The following TRPM5 variants were observed in gnomAD, a reference collection of about 807,000 sequenced individuals.
TRPM5 encodes the protein transient receptor potential cation channel subfamily M member 5, also known as MLSN1 and TRP-related.
A neutral mutation model predicts 124.9 loss-of-function variants in TRPM5; 121 were observed. That is an observed-to-expected ratio of 0.97 (90% CI 0.84 to 1.13). The LOEUF is 1.13. Among genes scored for constraint, TRPM5 ranks in the 50% most tolerant of loss-of-function variants. The pLI, the probability that TRPM5 is intolerant of heterozygous loss-of-function variation, is 0.00. For missense variants in TRPM5, 1,643 were observed against 1,589.1 expected, an observed-to-expected ratio of 1.03 and a Z score of -0.58; for synonymous variants, 781 against 700.5, an observed-to-expected ratio of 1.11 and a Z score of -1.81.
chr11:2,407,004 C>A, intron 20 of TRPM5, 115 bp downstream of exon 25: 1 of 1,367,570 alleles, frequency 7.3e-7, no homozygotes, highest in Non-Finnish European at 9.6e-7. Context: ...AGCTGAGGAC[C>A]CACAGGGCTG....
exon 3 of TRPM5, chr11:2,421,060 A>G: frequency 2.6e-6 from 4 of 1,548,344 alleles, no homozygotes; most frequent in Non-Finnish European, 2.6e-6. Context: ...GCGGCGGTGC[A>G]GGACGCGGCC....
chr11:2,419,717 A>C lies in TRPM5; in HGVS notation c.649+505T>G, dbSNP rs150956519. ...TGTATATTGTTCATAGATGTTATAA[A>C]TAATTATATGCTTTGTTTATGAATA... On this transcript the variant is annotated intron_variant, in intron 4 of 23. Transcript: ENST00000155858. 6.6e-4 allele frequency among the ~76,000 whole-genome samples: 100 copies of C among 152,278 alleles called. 1 individual carries two copies. The highest frequency in any genetic ancestry group is 1.9e-3 in the African/African-American group (81 of 41,548).
At chr11:2,415,536 G>T (rs1845653181) in intron 8 of TRPM5, 65 bp from the exon 14 acceptor site, 1 of 1,145,416 alleles carries the variant, frequency 8.7e-7, no homozygotes, top group Non-Finnish European at 1.2e-6. Context: ...GGAGGAGGGG[G>T]TCCAAGGAAG....
chr11:2,429,553 GATA>G, the TRPM5 span, among the ~76,000 whole-genome samples: 4 of 151,774 alleles, frequency 2.6e-5, no homozygotes, highest in African/African-American at 4.8e-5. The surrounding 1 kb of genome is among the most constrained non-coding windows in gnomAD (Gnocchi z 8.4). Flanking sequence ...TGGTGGGGGT[GATA>G]ATGATCCTGG....
chr11:2,420,100 G>T, intron 4 of TRPM5, 122 bp downstream of exon 9: 5 of 1,143,576 alleles, frequency 4.4e-6, no homozygotes, highest in Admixed American at 2.4e-5. Context: ...GGCATGCGGG[G>T]TGCGTTCTGC....
downstream of TRPM5, among the ~76,000 whole-genome samples, chr11:2,404,086 A>G (rs923705848): frequency 7.9e-5 from 12 of 152,298 alleles, no homozygotes; most frequent in African/African-American, 2.6e-4. Flanking sequence ...AGTGCCCTCA[A>G]TGGGCCTGAG....
At chr11:2,434,023 C>T in the TRPM5 span, among the ~76,000 whole-genome samples, 4 of 150,758 alleles carry the variant, frequency 2.7e-5, no homozygotes, top group East Asian at 7.8e-4. Flanking sequence ...TATGTAGACA[C>T]TGTGTGTGGC....
chr11:2,431,437 C>G, the TRPM5 span, among the ~76,000 whole-genome samples: 1 of 152,098 alleles, frequency 6.6e-6, no homozygotes, highest in African/African-American at 2.4e-5. Context: ...AGGAGGTTCC[C>G]CCAGATCCTC....
At chr11:2,418,185 G>A (rs773191936) in exon 6 of TRPM5, 32 of 1,577,218 alleles carry the variant, frequency 2.0e-5, no homozygotes, top group Middle Eastern at 3.3e-4. Flanking sequence ...TCCAGCGCAC[G>A]ATGTCCTCCC....
At chr11:2,423,649 A>G (rs1386271999), upstream of TRPM5, among the ~76,000 whole-genome samples, 3 of 152,172 alleles carry the variant, frequency 2.0e-5, no homozygotes, top group Admixed American at 6.5e-5. Flanking sequence ...CCCACACAGC[A>G]TCAGCAGCAG....
chr11:2,429,076 G>C, the TRPM5 span, among the ~76,000 whole-genome samples: 3 of 151,372 alleles, frequency 2.0e-5, no homozygotes, highest in Non-Finnish European at 4.4e-5. The surrounding 1 kb of genome is among the most constrained non-coding windows in gnomAD (Gnocchi z 8.4). Flanking sequence ...GGTTGTGGTG[G>C]TGGTGATGAT....
rs778174876 is a variant in TRPM5 at position 2,420,321 on chromosome 11, T to A, written c.550A>T (p.Ile184Phe). 4 of 1,612,546 alleles carry A rather than the reference T, an allele frequency of 2.5e-6. No homozygotes were observed. In the South Asian group the frequency reaches 4.4e-5, roughly 18 times the overall value. Reference sequence around the variant, plus strand: ...CCCGGGGGGCCTGGCTCCACCAGGATGAAGTGGGAGAGGTTGCTGTCCAGT... The same window carrying A: ...CCCGGGGGGCCTGGCTCCACCAGGAAGAAGTGGGAGAGGTTGCTGTCCAGT... Residue 184 changes from isoleucine to phenylalanine, a missense_variant, in exon 4 of 24, where the codon ATC becomes TTC. Transcript: ENST00000155858.
downstream of TRPM5, among the ~76,000 whole-genome samples, chr11:2,404,147 C>CCCCAGGCCTAGTGCAG (rs1850265371): frequency 6.6e-6 from 1 of 152,178 alleles, no homozygotes; most frequent in Non-Finnish European, 1.5e-5. Flanking sequence ...ATGCCATCAG[C>CCCCAGGCCTAGTGCAG]CCCAGGCCTA....
chr11:2,414,009 G>GGGCGCCC, intron 12 of TRPM5, 52 bp downstream of exon 17: 1 of 1,023,734 alleles, frequency 9.8e-7, no homozygotes, highest in East Asian at 2.8e-5. Flanking sequence ...GGCCCAGCTC[G>GGGCGCCC]CCCGCCCACC....
At position 2,415,147 on chromosome 11, in the gene TRPM5, C is replaced by T. The variant is rs753718232; in HGVS notation, c.1453G>A (p.Gly485Ser). Residue 485 changes from glycine (G) to serine (S), a missense_variant, in exon 9 of 24, where the codon GGC (glycine) becomes AGC (serine). Transcript: ENST00000155858. ...GCCCTCCTGCGGTCCCCTGGCCGGC[C>T]GTCCTGGTAGAAGCCTCGGCAGGCG... is the stretch of plus-strand genomic sequence containing the variant. The T allele has an allele frequency of 2.7e-5, 42 of 1,572,724 alleles. No homozygotes were observed. The highest frequency in any genetic ancestry group is 1.7e-4 in the Middle Eastern group (1 of 5,972).
intron 18 of TRPM5, chr11:2,410,526 T>G (rs1589867767): frequency 3.5e-6 from 1 of 283,574 alleles, no homozygotes; most frequent in Non-Finnish European, 7.2e-6. Flanking sequence ...CCCAGAGGGG[T>G]GCGTCCCTTT....
the TRPM5 span, among the ~76,000 whole-genome samples, chr11:2,434,033 CTG>C: frequency 2.6e-4 from 38 of 148,412 alleles, no homozygotes; most frequent in South Asian, 6.4e-4. Context: ...CTGTGTGTGG[CTG>C]TGTGTGTGGA....
upstream of TRPM5, among the ~76,000 whole-genome samples, chr11:2,427,241 T>A (rs945418474): frequency 1.3e-5 from 2 of 152,202 alleles, no homozygotes; most frequent in Non-Finnish European, 2.9e-5. Context: ...CATGCCCACC[T>A]GCCCTTCCCA....
the TRPM5 span, among the ~76,000 whole-genome samples, chr11:2,437,724 G>A: frequency 6.6e-6 from 1 of 152,118 alleles, no homozygotes; most frequent in Non-Finnish European, 1.5e-5. The surrounding 1 kb of genome is among the most constrained non-coding windows in gnomAD (Gnocchi z 5.6). Flanking sequence ...CACTGTACTG[G>A]GTCTGCATTA....
Sources: gnomAD v4.1 joint callset for allele counts (sites outside exome capture counted in the v4.1 genomes callset) on GRCh38, gnomAD v4.1.1 for gene constraint, Gnocchi (gnomAD v3.1) non-coding constraint, MANE v1.5 for transcripts, NCBI Gene and HGNC (gene_info 2026-07-23, HGNC 2026-07-21) for gene names.